CHD2: variants seen among roughly 807,000 people sequenced by gnomAD.
The protein encoded by CHD2 is ATP-dependent chromatin remodeler CHD2.
CHD2 carries 28 observed loss-of-function variants against 243.9 expected under a neutral mutation model. The ratio of observed to expected loss-of-function variants is 0.11; its 90% CI spans 0.09 to 0.16. The LOEUF (loss-of-function observed/expected upper bound fraction) is 0.16, where lower values mean the gene tolerates loss of function less well. CHD2 is among the 10% of genes least tolerant of loss of function. The pLI, the probability that CHD2 is intolerant of heterozygous loss-of-function variation, is 1.00. For synonymous variants in CHD2, 775 were observed against 779.0 expected (o/e 0.99, Z 0.09); for missense variants, 1,386 against 2,209.8 (o/e 0.63, Z 7.47).
Position 92,915,528 on chromosome 15 carries a change from C to T in CHD2, c.63-8793C>T, listed in dbSNP as rs974961283. Among the ~76,000 whole-genome samples, 3 of 152,140 alleles carry T rather than the reference C, an allele frequency of 2.0e-5. No individual in the cohort carries two copies. The East Asian group carries it at 5.8e-4, about 29-fold the overall frequency. ...CCTTGTGATCTGCCTGCCTCGGCCTCCCAAAGTGCTGGGATTACAGGCGTG... is the reference window on the plus strand; with the variant it reads ...CCTTGTGATCTGCCTGCCTCGGCCTTCCAAAGTGCTGGGATTACAGGCGTG... On this transcript the variant is annotated intron_variant, in intron 2 of 38. Transcript: ENST00000394196.
At position 92,946,171 on chromosome 15, in the gene CHD2, C is replaced by G; in HGVS notation, c.1332C>G (p.Phe444Leu). The change falls in exon 12 of 39, where the codon TTC becomes TTG. Residue 444 changes from phenylalanine to leucine, a missense_variant. Physicochemically the swap from Phe to Leu is conservative, Grantham distance 22. Coordinates refer to ENST00000394196, the MANE Select transcript of CHD2 (RefSeq NM_001271.4). Reference sequence around the variant, plus strand: ...AATTCCAGAATTGCATTGACAGCTTCCACAGTAGGAACAACTCAAAAACCA... The same window carrying G: ...AATTCCAGAATTGCATTGACAGCTTGCACAGTAGGAACAACTCAAAAACCA... Reference protein sequence around the residue: ...GKKFQNCIDSFHSRNNSKTIP... With the variant: ...GKKFQNCIDSLHSRNNSKTIP... 6.2e-7 allele frequency: 1 copy of G among 1,613,482 alleles called. No individual in the cohort carries two copies. The highest frequency in any genetic ancestry group is 8.5e-7 in the Non-Finnish European group (1 of 1,179,640).
chr15:92,911,786 A>G (rs1454638646), intron 2 of CHD2, among the ~76,000 whole-genome samples: 3 of 152,028 alleles, frequency 2.0e-5, no homozygotes, highest in Admixed American at 6.6e-5. Context: ...GAGGAAACTA[A>G]TGTATATGAG....
intron 2 of CHD2, among the ~76,000 whole-genome samples, chr15:92,904,074 AT>A (rs2052571002): frequency 6.6e-6 from 1 of 152,186 alleles, no homozygotes; most frequent in Admixed American, 6.5e-5. Flanking sequence ...ACCAAAGCCT[AT>A]TTCCTTCCCC....
At chr15:93,016,972 A>T (rs536894480) in intron 37 of CHD2, among the ~76,000 whole-genome samples, 1 of 152,174 alleles carries the variant, frequency 6.6e-6, no homozygotes, top group African/African-American at 2.4e-5. Flanking sequence ...GAGATGACCA[A>T]CCTTGCTACT....
chr15:92,967,569 T>TTA, intron 17 of CHD2, 56 bp downstream of exon 17: 1 of 1,338,834 alleles, frequency 7.5e-7, no homozygotes, highest in South Asian at 1.3e-5. Flanking sequence ...CATGAAACTA[T>TTA]TAGATAGGAG....
At chr15:93,015,046 A>C in intron 37 of CHD2, 137 bp downstream of exon 37, 1 of 720,578 alleles carries the variant, frequency 1.4e-6, no homozygotes, top group African/African-American at 1.8e-5. Flanking sequence ...TCTTTTCTTA[A>C]TGAGAGAAAG....
chr15:92,962,891 T>A (rs1432982408), intron 16 of CHD2, among the ~76,000 whole-genome samples: 1 of 152,198 alleles, frequency 6.6e-6, no homozygotes, highest in Non-Finnish European at 1.5e-5. Flanking sequence ...GAATGTCCCA[T>A]TTGACCTCTA....
At chr15:92,967,552 T>C (rs2053781013) in intron 17 of CHD2, 39 bp downstream of exon 17, 1 of 1,524,650 alleles carries the variant, frequency 6.6e-7, no homozygotes, top group Non-Finnish European at 9.0e-7. Context: ...GGGGTTGAGA[T>C]CAGTACCATG....
intron 17 of CHD2, among the ~76,000 whole-genome samples, chr15:92,970,448 C>G (rs887360389): frequency 6.6e-6 from 1 of 152,052 alleles, no homozygotes; most frequent in African/African-American, 2.4e-5. Flanking sequence ...TGATCTGCCC[C>G]CTTCGGCCTC....
chr15:92,967,945 G>T (rs906790271), intron 17 of CHD2, among the ~76,000 whole-genome samples: 1 of 151,838 alleles, frequency 6.6e-6, no homozygotes, highest in Non-Finnish European at 1.5e-5. Context: ...CATTTTGCTT[G>T]TTTTGGGATC....
chr15:92,902,351 G>C, intron 2 of CHD2: 1 of 392,136 alleles, frequency 2.6e-6, no homozygotes, highest in Non-Finnish European at 4.5e-6. Context: ...TGCATTTTTT[G>C]ATGTGTTCTT....
intron 2 of CHD2, chr15:92,904,402 G>T (rs577227733): frequency 9.4e-6 from 9 of 960,876 alleles, no homozygotes; most frequent in South Asian, 9.5e-5. Context: ...CGGCTCCCCT[G>T]GGGGGCGGGG....
chr15:92,967,534 G>A lies in CHD2; in HGVS notation c.2189+21G>A, dbSNP rs190676730. 1,040 of 1,602,260 alleles carry A rather than the reference G, an allele frequency of 6.5e-4. 3 individuals are homozygous for A. Among genetic ancestry groups the A allele is most frequent in the Non-Finnish European group, 5.0e-4 (583 of 1,170,336 alleles). Reference sequence around the variant, plus strand: ...TACAAGTAAGTTCTTGTTTGGGTTAGGCCTGAAGGGGTTGAGATCAGTACC... The same window carrying A: ...TACAAGTAAGTTCTTGTTTGGGTTAAGCCTGAAGGGGTTGAGATCAGTACC... On this transcript the variant is annotated intron_variant, in intron 17 of 38. Coordinates refer to ENST00000394196, the MANE Select transcript of CHD2 (RefSeq NM_001271.4).
rs951537780 is a variant in CHD2, at chr15:92,900,637, T to C, written c.-259T>C. 2 of 398,546 alleles carry C rather than the reference T, an allele frequency of 5.0e-6. No homozygotes were observed. Among genetic ancestry groups the C allele is most frequent in the Non-Finnish European group, 8.8e-6 (2 of 226,120 alleles). 24.7% of individuals were successfully genotyped at this position (398,546 alleles called of 1,614,324 possible). A position where few individuals can be genotyped will look rare whatever the true frequency, so the allele number is the denominator to read the frequency against. On this transcript the variant is annotated 5_prime_UTR_variant, in exon 1 of 39. Transcript: ENST00000394196. ...TTGTGCGCTCTCCTAATGAGGTTTT[T>C]TTTCTTTCGGACCTGTTTTAGTATT...
At chr15:92,979,523 T>C (rs2053950380) in intron 22 of CHD2, among the ~76,000 whole-genome samples, 1 of 152,190 alleles carries the variant, frequency 6.6e-6, no homozygotes, top group Admixed American at 6.5e-5. Context: ...TGCTTTTGGC[T>C]GCTCATGTGA....
chr15:92,976,074 C>T (rs1156759428), intron 20 of CHD2, among the ~76,000 whole-genome samples: 4 of 152,096 alleles, frequency 2.6e-5, no homozygotes, highest in East Asian at 1.9e-4. Context: ...GCATAGTAAG[C>T]GCTCTAAATA....
At chr15:92,903,197 A>G (rs879591182) in intron 2 of CHD2, among the ~76,000 whole-genome samples, 4 of 152,234 alleles carry the variant, frequency 2.6e-5, no homozygotes, top group Admixed American at 2.0e-4. Context: ...GTGCAGCTGT[A>G]GAATGTTAGT....
intron 26 of CHD2, among the ~76,000 whole-genome samples, chr15:92,986,559 G>A (rs2054045628): frequency 6.6e-6 from 1 of 152,058 alleles, no homozygotes; most frequent in Non-Finnish European, 1.5e-5. Flanking sequence ...TTTTGAATTT[G>A]TAGCCAAAAT....
intron 37 of CHD2, among the ~76,000 whole-genome samples, chr15:93,017,391 T>G (rs2054476271): frequency 6.6e-6 from 1 of 151,684 alleles, no homozygotes; most frequent in Non-Finnish European, 1.5e-5. Context: ...GGCGGCACGA[T>G]CTTGGCTCAC....
Sources: gnomAD v4.1 joint callset for allele counts (sites outside exome capture counted in the v4.1 genomes callset) on GRCh38, gnomAD v4.1.1 for gene constraint, MANE v1.5 for transcripts, NCBI Gene and HGNC (gene_info 2026-07-23, HGNC 2026-07-21) for gene names.